GALNT17: variants seen among roughly 807,000 people sequenced by gnomAD.
The protein encoded by GALNT17 is polypeptide N-acetylgalactosaminyltransferase 17.
GALNT17 carries 29 observed loss-of-function variants against 63.7 expected under a neutral mutation model. The ratio of observed to expected loss-of-function variants is 0.46; its 90% CI spans 0.34 to 0.62. The LOEUF (loss-of-function observed/expected upper bound fraction) is 0.62, where lower values mean the gene tolerates loss of function less well. Ranked by LOEUF, GALNT17 falls within the 20% of genes least tolerant of loss-of-function variation. The pLI, the probability that GALNT17 is intolerant of heterozygous loss-of-function variation, is 0.01. For missense variants in GALNT17, 603 were observed against 799.6 expected (o/e 0.75, Z 2.97); for synonymous variants, 305 against 318.3 (o/e 0.96, Z 0.45).
chr7:71,617,892 C>A (rs1346824427), intron 6 of GALNT17, among the ~76,000 whole-genome samples: 1 of 152,030 alleles, frequency 6.6e-6, no homozygotes, highest in Non-Finnish European at 1.5e-5. Flanking sequence ...GGCGATCCAC[C>A]CACCTTGACC....
At chr7:71,503,500 G>A (rs753470312) in intron 5 of GALNT17, among the ~76,000 whole-genome samples, 2 of 152,202 alleles carry the variant, frequency 1.3e-5, no homozygotes, top group South Asian at 2.1e-4. Context: ...GCCTCCCAAA[G>A]TGCTAGAATT....
chr7:71,477,889 G>A (rs1179910053), intron 5 of GALNT17, among the ~76,000 whole-genome samples: 8 of 152,060 alleles, frequency 5.3e-5, no homozygotes, highest in African/African-American at 1.9e-4. Context: ...AAATCTTGCC[G>A]ACATGCGACA....
intron 8 of GALNT17, among the ~76,000 whole-genome samples, chr7:71,672,573 CT>C (rs55921309): frequency 6.6e-6 from 1 of 151,834 alleles, no homozygotes; most frequent in East Asian, 1.9e-4. Context: ...TAATTTTTTT[CT>C]TTTTTTTGAA....
chr7:71,329,304 C>T (rs1235300436), intron 1 of GALNT17, among the ~76,000 whole-genome samples: 2 of 152,046 alleles, frequency 1.3e-5, no homozygotes, highest in South Asian at 2.1e-4. Context: ...TGAGTAAGAG[C>T]ACACAGAATA....
intron 2 of GALNT17, among the ~76,000 whole-genome samples, chr7:71,382,231 T>G (rs1004659169): frequency 8.6e-5 from 13 of 151,678 alleles, no homozygotes; most frequent in Non-Finnish European, 1.6e-4. Context: ...AATAGAAAAA[T>G]TAGCCGGGTG....
intron 1 of GALNT17, chr7:71,284,699 C>T (rs1790841426): frequency 6.6e-6 from 1 of 152,112 alleles, no homozygotes; most frequent in African/African-American, 2.4e-5. Flanking sequence ...TTAGTAGCAG[C>T]GCGAGAACAG....
intron 5 of GALNT17, among the ~76,000 whole-genome samples, chr7:71,490,919 C>T (rs1473793705): frequency 6.6e-6 from 1 of 151,898 alleles, no homozygotes; most frequent in Non-Finnish European, 1.5e-5. Flanking sequence ...AATGACTGGG[C>T]GTGGTGGCTC....
intron 2 of GALNT17, among the ~76,000 whole-genome samples, chr7:71,375,785 AG>A (rs924500965): frequency 1.1e-4 from 16 of 152,220 alleles, no homozygotes; most frequent in African/African-American, 3.4e-4. Flanking sequence ...CTGTAATCCC[AG>A]CCAAAAATCT....
chr7:71,473,401 C>A (rs1230304025), intron 5 of GALNT17, among the ~76,000 whole-genome samples: 1 of 152,172 alleles, frequency 6.6e-6, no homozygotes, highest in Non-Finnish European at 1.5e-5. Context: ...TCAGAAAAGA[C>A]AGCTTTGCAA....
rs551104200 is a variant in GALNT17 at position 71,323,322 on chromosome 7, G to A, written c.239-12228G>A. On this transcript the variant is annotated intron_variant, in intron 1 of 10. Coordinates refer to ENST00000333538, the MANE Select transcript of GALNT17 (RefSeq NM_022479.3). ...GGGAGAATACAGTATAAGCTGGGTC[G>A]CCATCACTCTGGAATTTCTGCACCA... Among the ~76,000 whole-genome samples, 10 of 152,252 alleles carry A rather than the reference G, an allele frequency of 6.6e-5. No individual in the cohort carries two copies. The East Asian group carries it at 1.7e-3, about 27-fold the overall frequency.
At chr7:71,397,940 C>CG (rs371679172) in intron 3 of GALNT17, among the ~76,000 whole-genome samples, 11,553 of 99,378 alleles carry the variant, frequency 0.12, 538 homozygotes, top group Middle Eastern at 0.24. Flanking sequence ...CCATTATTGT[C>CG]TTTGTTGTTG....
At chr7:71,691,918 T>C (rs1417473592) in intron 9 of GALNT17, among the ~76,000 whole-genome samples, 5 of 152,046 alleles carry the variant, frequency 3.3e-5, no homozygotes, top group Admixed American at 1.3e-4. Flanking sequence ...CTCTCTTTCT[T>C]TTTTTCTTTT....
At chr7:71,675,952 C>A (rs1425907752) in intron 8 of GALNT17, among the ~76,000 whole-genome samples, 1 of 152,156 alleles carries the variant, frequency 6.6e-6, no homozygotes, top group Non-Finnish European at 1.5e-5. Flanking sequence ...CGCGCCATTG[C>A]ATTTCAGCCT....
At chr7:71,279,762 G>A (rs980454832) in intron 1 of GALNT17, among the ~76,000 whole-genome samples, 2 of 150,584 alleles carry the variant, frequency 1.3e-5, no homozygotes, top group East Asian at 1.9e-4. Context: ...CCAGGCTGGA[G>A]GAACGAAGCG....
chr7:71,349,025 A>C (rs2527309), intron 2 of GALNT17, among the ~76,000 whole-genome samples: 71,443 of 152,120 alleles, frequency 0.47, 17,574 homozygotes, highest in East Asian at 0.78. Context: ...TTGCCAAATT[A>C]TACTCCGATT....
intron 6 of GALNT17, among the ~76,000 whole-genome samples, chr7:71,650,784 A>G (rs1525720): frequency 0.18 from 27,721 of 151,942 alleles, 2,656 homozygotes; most frequent in Middle Eastern, 0.24. Context: ...CAGTGTTTTC[A>G]CCCTCCCTGC....
chr7:71,551,982 G>A (rs980903602), intron 5 of GALNT17, among the ~76,000 whole-genome samples: 1 of 151,710 alleles, frequency 6.6e-6, no homozygotes, highest in African/African-American at 2.4e-5. Context: ...GTTTGGGAGA[G>A]AGGCCAGGTT....
chr7:71,394,652 A>G (rs1409583017), intron 3 of GALNT17, among the ~76,000 whole-genome samples: 2 of 152,084 alleles, frequency 1.3e-5, no homozygotes, highest in Non-Finnish European at 1.5e-5. Flanking sequence ...GTTTGCCTTG[A>G]TCTTTGTTTG....
At chr7:71,707,742 C>G (rs1733963963) in intron 9 of GALNT17, among the ~76,000 whole-genome samples, 1 of 152,196 alleles carries the variant, frequency 6.6e-6, no homozygotes, top group African/African-American at 2.4e-5. Flanking sequence ...GGCCACATGA[C>G]TCTCATCCTC....
Sources: gnomAD v4.1 joint callset for allele counts (sites outside exome capture counted in the v4.1 genomes callset) on GRCh38, gnomAD v4.1.1 for gene constraint, MANE v1.5 for transcripts, NCBI Gene and HGNC (gene_info 2026-07-23, HGNC 2026-07-21) for gene names.